SYT14: variants seen among roughly 807,000 people sequenced by gnomAD.
The protein encoded by SYT14 is synaptotagmin-14.
In SYT14, 32 loss-of-function variants were observed where a neutral mutation model predicts 74.2. The ratio of observed to expected loss-of-function variants is 0.43; its 90% CI spans 0.33 to 0.58. SYT14 has a LOEUF of 0.58. Among genes scored for constraint, SYT14 ranks in the 20% least tolerant of loss-of-function variants. SYT14 has a pLI of 0.05. For missense variants in SYT14, 791 were observed against 981.8 expected (o/e 0.81, Z 2.60); for synonymous variants, 298 against 337.7 (o/e 0.88, Z 1.29).
At chr1:210,085,353 A>G (rs1338631256) in intron 5 of SYT14, among the ~76,000 whole-genome samples, 3 of 152,084 alleles carry the variant, frequency 2.0e-5, no homozygotes, top group Non-Finnish European at 4.4e-5. Flanking sequence ...CTTTCCAATC[A>G]TTTTACATCT....
At chr1:210,062,516 T>C (rs1278810080) in intron 5 of SYT14, among the ~76,000 whole-genome samples, 1 of 151,862 alleles carries the variant, frequency 6.6e-6, no homozygotes, top group African/African-American at 2.4e-5. Context: ...CCATGCTGTT[T>C]CTAACATATT....
intron 4 of SYT14, among the ~76,000 whole-genome samples, chr1:210,020,142 T>C (rs1013654034): frequency 9.2e-5 from 14 of 152,332 alleles, no homozygotes; most frequent in African/African-American, 2.6e-4. Flanking sequence ...TTATAACTTC[T>C]ACTTTTTTAC....
At chr1:210,136,057 A>G (rs1380655960) in intron 7 of SYT14, among the ~76,000 whole-genome samples, 1 of 152,186 alleles carries the variant, frequency 6.6e-6, no homozygotes, top group African/African-American at 2.4e-5. Context: ...TATGGCTGAG[A>G]CAAATTCACT....
chr1:210,143,272 G>A (rs2102677686), intron 7 of SYT14, among the ~76,000 whole-genome samples: 1 of 152,198 alleles, frequency 6.6e-6, no homozygotes, highest in Middle Eastern at 3.4e-3. Flanking sequence ...TTCTAATGTA[G>A]GGAAATAAAG....
intron 7 of SYT14, among the ~76,000 whole-genome samples, chr1:210,124,765 A>C (rs868471547): frequency 6.6e-6 from 1 of 152,198 alleles, no homozygotes; most frequent in Non-Finnish European, 1.5e-5. Flanking sequence ...TTTACAGATG[A>C]CAAAACTGTA....
chr1:209,973,258 C>T (rs527460913), intron 2 of SYT14, among the ~76,000 whole-genome samples: 16 of 151,754 alleles, frequency 1.1e-4, no homozygotes, highest in African/African-American at 3.1e-4. Context: ...ATGTGCACAA[C>T]GTGCAGGTTA....
intron 2 of SYT14, among the ~76,000 whole-genome samples, chr1:209,965,187 A>G (rs2079135461): frequency 6.6e-6 from 1 of 152,210 alleles, no homozygotes; most frequent in South Asian, 2.1e-4. Flanking sequence ...CATCACCCAA[A>G]GAGTAAACAG....
chr1:209,951,415 T>C (rs979811081), intron 1 of SYT14, among the ~76,000 whole-genome samples: 5 of 152,222 alleles, frequency 3.3e-5, no homozygotes, highest in African/African-American at 9.6e-5. Context: ...TTTCTTTCAC[T>C]TAGCATAATG....
At chr1:210,121,876 CT>C (rs1408554805) in intron 7 of SYT14, among the ~76,000 whole-genome samples, 2 of 151,476 alleles carry the variant, frequency 1.3e-5, no homozygotes, top group Non-Finnish European at 2.9e-5. Context: ...AATAAATGCA[CT>C]TTTATTATTT....
At chr1:210,037,016 T>G (rs1242631478) in intron 5 of SYT14, among the ~76,000 whole-genome samples, 1 of 151,982 alleles carries the variant, frequency 6.6e-6, no homozygotes, top group Non-Finnish European at 1.5e-5. Flanking sequence ...ATCAGTTCTT[T>G]GTATGTCTCA....
At chr1:210,081,817 A>G (rs764178108) in intron 5 of SYT14, among the ~76,000 whole-genome samples, 9 of 152,218 alleles carry the variant, frequency 5.9e-5, no homozygotes, top group Admixed American at 1.3e-4. Flanking sequence ...TAGTAATCCT[A>G]TAATCATAAT....
chr1:210,067,240 C>G (rs956208310), intron 5 of SYT14, among the ~76,000 whole-genome samples: 4 of 151,998 alleles, frequency 2.6e-5, no homozygotes, highest in Non-Finnish European at 5.9e-5. Context: ...AGTCTTCCTA[C>G]TGTATTCTTC....
intron 2 of SYT14, among the ~76,000 whole-genome samples, chr1:209,983,907 C>A (rs1011522371): frequency 2.0e-5 from 3 of 152,120 alleles, no homozygotes; most frequent in African/African-American, 7.2e-5. Context: ...ATTTAGTGAC[C>A]TCCCCAGACT....
At chr1:210,009,073 G>A (rs1307588704) in intron 2 of SYT14, among the ~76,000 whole-genome samples, 1 of 152,184 alleles carries the variant, frequency 6.6e-6, no homozygotes, top group African/African-American at 2.4e-5. Context: ...TTACAAATTT[G>A]TGTTGGGCTG....
At chr1:210,055,932 A>C (rs1003582013) in intron 5 of SYT14, among the ~76,000 whole-genome samples, 1 of 152,234 alleles carries the variant, frequency 6.6e-6, no homozygotes, top group Non-Finnish European at 1.5e-5. Flanking sequence ...TAGGTGTTTT[A>C]CTTCTCACAG....
exon 10 of SYT14, chr1:210,165,959 T>A (rs931627360): frequency 2.6e-5 from 4 of 152,250 alleles, no homozygotes; most frequent in Non-Finnish European, 5.9e-5. Flanking sequence ...GATGCAGAGA[T>A]AATAAATTGG....
chr1:210,083,765 C>G (rs1056329774), intron 5 of SYT14, among the ~76,000 whole-genome samples: 1 of 151,908 alleles, frequency 6.6e-6, no homozygotes, highest in Non-Finnish European at 1.5e-5. Flanking sequence ...GATGAACTTT[C>G]GCCACATTGC....
chr1:210,056,749 G>A (rs1191832863), intron 5 of SYT14, among the ~76,000 whole-genome samples: 1 of 150,962 alleles, frequency 6.6e-6, no homozygotes, highest in African/African-American at 2.4e-5. Flanking sequence ...TCACGCCACT[G>A]CACTCCAGCC....
intron 7 of SYT14, among the ~76,000 whole-genome samples, chr1:210,117,893 A>G (rs2102600710): frequency 6.6e-6 from 1 of 152,338 alleles, no homozygotes; most frequent in African/African-American, 2.4e-5. Context: ...AATATAGAGA[A>G]TAAAGAACAT....
Sources: gnomAD v4.1 joint callset for allele counts (sites outside exome capture counted in the v4.1 genomes callset) on GRCh38, gnomAD v4.1.1 for gene constraint, MANE v1.5 for transcripts, NCBI Gene and HGNC (gene_info 2026-07-23, HGNC 2026-07-21) for gene names.